Variants in FAM47E observed in about 807,000 individuals in gnomAD.
FAM47E encodes protein FAM47E.
Under a neutral mutation model 41.6 loss-of-function variants are expected in FAM47E, and 32 were observed. The observed-to-expected ratio is 0.77, with a 90% confidence interval of 0.58 to 1.03. The LOEUF (loss-of-function observed/expected upper bound fraction) is 1.03, where lower values mean the gene tolerates loss of function less well. Among genes scored for constraint, FAM47E ranks in the 50% least tolerant of loss-of-function variants. The pLI is 0.00. For synonymous variants in FAM47E, 184 were observed against 188.7 expected (o/e 0.98, Z 0.20); for missense variants, 424 against 485.4 (o/e 0.87, Z 1.19).
upstream of FAM47E, chr4:76,251,571 A>G (rs1733963585): frequency 3.2e-6 from 4 of 1,253,286 alleles, no homozygotes; most frequent in African/African-American, 1.6e-5. Context: ...TCCCTCGGCC[A>G]GGTCCACGTC....
intron 5 of FAM47E, among the ~76,000 whole-genome samples, chr4:76,277,549 A>T (rs993051625): frequency 9.8e-6 from 1 of 101,802 alleles, no homozygotes; most frequent in Non-Finnish European, 2.4e-5. Flanking sequence ...CAGTTTGATA[A>T]AAAAAAAAAT....
At position 76,217,248 on chromosome 4, in the gene FAM47E, G is replaced by A. The variant is rs1010825826; in HGVS notation, c.-29-331G>A. 8.5e-5 allele frequency among the ~76,000 whole-genome samples: 13 copies of A among 152,308 alleles called. 1 individual carries two copies. Among genetic ancestry groups the A allele is most frequent in the South Asian group, 6.2e-4 (3 of 4,820 alleles). On this transcript the variant is annotated intron_variant, in intron 1 of 7. Transcript: ENST00000510197. ...GGAGGGGCAGACAGCTTGGGAAGGG[G>A]TTACTGCTCCCAGAGTTTAGATGAG...
chr4:76,223,822 G>C (rs1050942192), intron 2 of FAM47E, among the ~76,000 whole-genome samples: 21 of 151,762 alleles, frequency 1.4e-4, no homozygotes, highest in African/African-American at 3.9e-4. Flanking sequence ...ACTAAAAGGA[G>C]AGTGTCCCTG....
At chr4:76,267,161 C>CT (rs2110015858) in intron 3 of FAM47E, among the ~76,000 whole-genome samples, 1 of 152,274 alleles carries the variant, frequency 6.6e-6, no homozygotes, top group South Asian at 2.1e-4. Flanking sequence ...ATTCTAATGC[C>CT]TGGCACATAG....
intron 2 of FAM47E, among the ~76,000 whole-genome samples, chr4:76,244,619 C>G (rs1733785453): frequency 6.9e-6 from 1 of 144,218 alleles, no homozygotes; most frequent in East Asian, 2.2e-4. Context: ...CAGCTCACTG[C>G]AACCTCCACC....
chr4:76,281,389 T>A (rs1014778469), intron 7 of FAM47E: 23 of 152,206 alleles, frequency 1.5e-4, no homozygotes, highest in African/African-American at 5.3e-4. Context: ...CCTTTAGCTT[T>A]GAACATCAAT....
intron 5 of FAM47E, among the ~76,000 whole-genome samples, chr4:76,274,165 C>T (rs1583944): frequency 0.36 from 54,520 of 151,994 alleles, 10,375 homozygotes; most frequent in Admixed American, 0.42. Context: ...CTAGGCAGTG[C>T]TAACTTTATC....
chr4:76,262,347 T>C (rs986581079), intron 2 of FAM47E, among the ~76,000 whole-genome samples: 1 of 152,234 alleles, frequency 6.6e-6, no homozygotes, highest in African/African-American at 2.4e-5. Context: ...AATACCTCTG[T>C]GTAATTGCCC....
intron 2 of FAM47E, among the ~76,000 whole-genome samples, chr4:76,224,005 C>A (rs1355500821): frequency 2.0e-5 from 3 of 152,178 alleles, no homozygotes; most frequent in African/African-American, 7.2e-5. Flanking sequence ...AAAATAAAAT[C>A]TCCTGCCAAA....
chr4:76,242,003 A>AG (rs1199680716), intron 2 of FAM47E, among the ~76,000 whole-genome samples: 1 of 152,186 alleles, frequency 6.6e-6, no homozygotes, highest in Non-Finnish European at 1.5e-5. Flanking sequence ...TATTTCCTGG[A>AG]GAAAAAAGGA....
chr4:76,268,198 T>C, intron 3 of FAM47E: 1 of 156,750 alleles, frequency 6.4e-6, no homozygotes, highest in Non-Finnish European at 1.4e-5. Flanking sequence ...GCCATAGGAG[T>C]TGATGATGCA....
chr4:76,263,250 A>G (rs1252869281), intron 2 of FAM47E, among the ~76,000 whole-genome samples: 4 of 152,186 alleles, frequency 2.6e-5, no homozygotes, highest in Non-Finnish European at 4.4e-5. Context: ...TAGCCATGTG[A>G]CTGCTAGTAC....
chr4:76,253,481 G>A (rs1480018104), intron 1 of FAM47E, among the ~76,000 whole-genome samples: 1 of 152,092 alleles, frequency 6.6e-6, no homozygotes, highest in East Asian at 1.9e-4. Context: ...TAGAAAAATT[G>A]TTTCCAGTTT....
chr4:76,257,299 G>C (rs1020231346), intron 2 of FAM47E, among the ~76,000 whole-genome samples: 1 of 152,108 alleles, frequency 6.6e-6, no homozygotes, highest in Non-Finnish European at 1.5e-5. Flanking sequence ...CATTGAACCT[G>C]AGCAAAACCC....
chr4:76,227,874 C>G (rs963821651), intron 2 of FAM47E, among the ~76,000 whole-genome samples: 2 of 152,098 alleles, frequency 1.3e-5, no homozygotes, highest in African/African-American at 4.8e-5. Context: ...TGTTCATTTG[C>G]CTAGAATATC....
In FAM47E at chr4:76,263,811, A is replaced by T; in HGVS notation, c.528A>T (p.Leu176Phe). The T allele has an allele frequency of 6.4e-7, 1 of 1,551,418 alleles. No individual in the cohort carries two copies. Among genetic ancestry groups the T allele is most frequent in the Non-Finnish European group, 8.7e-7 (1 of 1,146,796 alleles). The change falls in exon 3 of 8, where the codon TTA (leucine) becomes TTT (phenylalanine). Residue 176 changes from leucine (L) to phenylalanine (F), a missense_variant. Coordinates refer to ENST00000424749, the MANE Select transcript of FAM47E (RefSeq NM_001136570.3). ...RKGMKEPTKL[L>F]KKHSTQVYLG... ...GAATGAAGGAACCCACGAAGCTTTTAAAAAAACATTCTACCCAAGTCTACC... is the reference window on the plus strand; with the variant it reads ...GAATGAAGGAACCCACGAAGCTTTTTAAAAAACATTCTACCCAAGTCTACC...
At chr4:76,230,728 G>C (rs1328282094) in intron 2 of FAM47E, among the ~76,000 whole-genome samples, 1 of 152,082 alleles carries the variant, frequency 6.6e-6, no homozygotes, top group African/African-American at 2.4e-5. Flanking sequence ...CACCACCATA[G>C]GTGTTAAAAT....
Position 76,271,717 on chromosome 4 carries a change from G to T in FAM47E, c.819G>T (p.Glu273Asp). 6.4e-7 allele frequency: 1 copy of T among 1,551,746 alleles called. No homozygotes were observed. Among genetic ancestry groups the T allele is most frequent in the Non-Finnish European group, 8.7e-7 (1 of 1,147,006 alleles). ...GTGTGGGGCTCAGTAAACTGCAGGA[G>T]ACAGAGTTCTTCCAGAAACTAGGCT... The part of the protein sequence containing the change: ...KRSVGLSKLQ[E>D]TEFFQKLGYE... The change falls in exon 5 of 8, where the codon GAG becomes GAT. Residue 273 changes from glutamate (E) to aspartate (D), a missense_variant. By Grantham distance (45) the Glu-to-Asp change is conservative. Coordinates refer to ENST00000424749, the MANE Select transcript of FAM47E (RefSeq NM_001136570.3).
intron 2 of FAM47E, among the ~76,000 whole-genome samples, chr4:76,224,634 T>C (rs1733364193): frequency 6.6e-6 from 1 of 152,156 alleles, no homozygotes. Context: ...ATGATTTTGG[T>C]TCACTGCAAC....
Sources: allele counts gnomAD v4.1 joint callset (sites outside exome capture counted in the v4.1 genomes callset), GRCh38; gene constraint gnomAD v4.1.1; transcripts MANE v1.5; gene names NCBI Gene and HGNC (gene_info 2026-07-23, HGNC 2026-07-21).